Variants in REEP1 observed in about 807,000 individuals in gnomAD.
The protein encoded by REEP1 is receptor accessory protein 1.
In REEP1, 22 loss-of-function variants were observed where a neutral mutation model predicts 40.3. The observed-to-expected ratio is 0.55, with a 90% CI of 0.39 to 0.78. REEP1 has a LOEUF of 0.78. Ranked by LOEUF, REEP1 falls within the 30% of genes least tolerant of loss-of-function variation. REEP1 has a pLI of 0.00. For missense variants in REEP1, 280 were observed against 361.1 expected, an observed-to-expected ratio of 0.78 and a Z score of 1.82; for synonymous variants, 116 against 139.2, an observed-to-expected ratio of 0.83 and a Z score of 1.17.
intron 1 of REEP1, among the ~76,000 whole-genome samples, chr2:86,287,474 T>C (rs560008734): frequency 1.4e-4 from 22 of 152,356 alleles, no homozygotes; most frequent in Middle Eastern, 3.4e-3. Flanking sequence ...CAGTGTTTCA[T>C]CTGAGCATTA....
At chr2:86,242,897 G>A (rs961640968) in intron 5 of REEP1, among the ~76,000 whole-genome samples, 24 of 152,128 alleles carry the variant, frequency 1.6e-4, no homozygotes, top group Admixed American at 5.9e-4. Flanking sequence ...AGGAAGGTGG[G>A]GCATCAAAGG....
rs11350708 is a variant in REEP1, at chr2:86,215,023, CTTTTTTTTTTT to C, written c.*2005_*2015del. 1.7e-5 allele frequency: 1 copy of C among 59,558 alleles called. No homozygotes were observed. Among genetic ancestry groups the C allele is most frequent in the Admixed American group, 2.9e-4 (1 of 3,470 alleles). 3.7% of individuals were successfully genotyped at this position (59,558 alleles called of 1,614,324 possible). A position where few individuals can be genotyped will look rare whatever the true frequency, so the allele number is the denominator to read the frequency against. On this transcript the variant is annotated 3_prime_UTR_variant, in exon 9 of 9. Coordinates refer to ENST00000538924, the MANE Select transcript of REEP1 (RefSeq NM_001371279.1). Reference sequence around the variant, plus strand: ...AAAAATTGCTAAGAAGCTGTGTAAGCTTTTTTTTTTTTTTTTTTTTTTTGCATTCGTTTCTG... The same window carrying C: ...AAAAATTGCTAAGAAGCTGTGTAAGCTTTTTTTTTTTTGCATTCGTTTCTG...
intron 2 of REEP1, among the ~76,000 whole-genome samples, chr2:86,273,438 C>G (rs1302740499): frequency 1.3e-5 from 2 of 152,020 alleles, no homozygotes; most frequent in African/African-American, 4.8e-5. Flanking sequence ...TGCATGCCAC[C>G]AAGGCTGGCC....
chr2:86,305,357 C>A (rs1266545401), intron 1 of REEP1, among the ~76,000 whole-genome samples: 1 of 152,214 alleles, frequency 6.6e-6, no homozygotes, highest in African/African-American at 2.4e-5. Context: ...GTACCCGTTT[C>A]CTCCCTCAGG....
chr2:86,227,332 C>G, intron 7 of REEP1, 31 bp downstream of exon 7: 1 of 1,232,312 alleles, frequency 8.1e-7, no homozygotes. Context: ...GAGAGTCCAG[C>G]ACGCTGCGGA....
chr2:86,299,665 A>T (rs1679169946), intron 1 of REEP1, among the ~76,000 whole-genome samples: 2 of 152,194 alleles, frequency 1.3e-5, no homozygotes, highest in Admixed American at 1.3e-4. Flanking sequence ...TTCATCTTAT[A>T]CAAGCCACAA....
chr2:86,333,287 C>T (rs569509168), intron 1 of REEP1, among the ~76,000 whole-genome samples: 4 of 152,194 alleles, frequency 2.6e-5, no homozygotes, highest in Non-Finnish European at 5.9e-5. Flanking sequence ...CCACATTCCT[C>T]CCAGCTCCAT....
At chr2:86,241,305 G>C (rs1373396973) in intron 5 of REEP1, among the ~76,000 whole-genome samples, 1 of 152,270 alleles carries the variant, frequency 6.6e-6, no homozygotes, top group Non-Finnish European at 1.5e-5. Flanking sequence ...CTGGTGCAAA[G>C]TGAGCTCTAA....
At position 86,292,469 on chromosome 2, in the gene REEP1, C is replaced by T. The variant is rs1224393954; in HGVS notation, c.33-10227G>A. On this transcript the variant is annotated intron_variant, in intron 1 of 8. Coordinates refer to ENST00000538924, the MANE Select transcript of REEP1 (RefSeq NM_001371279.1). Reference sequence around the variant, plus strand: ...TACAAATAACTGGTTATTGTCATCACAATAATTGTGATGAGTCCTGCTGAG... The same window carrying T: ...TACAAATAACTGGTTATTGTCATCATAATAATTGTGATGAGTCCTGCTGAG... Among the ~76,000 whole-genome samples, 4 of 152,146 alleles carry T rather than the reference C, an allele frequency of 2.6e-5. No individual in the cohort carries two copies. The South Asian group carries it at 8.3e-4, about 32-fold the overall frequency.
chr2:86,315,804 G>T (rs1245628881), intron 1 of REEP1, among the ~76,000 whole-genome samples: 1 of 152,174 alleles, frequency 6.6e-6, no homozygotes, highest in East Asian at 1.9e-4. Context: ...CCAGATCCAG[G>T]GTGGGTCCTG....
At chr2:86,306,167 A>G (rs1365911507) in intron 1 of REEP1, among the ~76,000 whole-genome samples, 1 of 152,036 alleles carries the variant, frequency 6.6e-6, no homozygotes, top group African/African-American at 2.4e-5. Context: ...CCGGGGCTTG[A>G]CTTTCCAACA....
chr2:86,284,372 G>T (rs796681656), intron 1 of REEP1, among the ~76,000 whole-genome samples: 1 of 152,278 alleles, frequency 6.6e-6, no homozygotes, highest in South Asian at 2.1e-4. Flanking sequence ...GCCAGAGATG[G>T]TGTCCCTCAT....
chr2:86,295,042 A>AG (rs1296487129), intron 1 of REEP1, among the ~76,000 whole-genome samples: 2 of 152,104 alleles, frequency 1.3e-5, no homozygotes, highest in South Asian at 2.1e-4. Flanking sequence ...CTATTTTAAA[A>AG]AAAAAGAAAA....
At chr2:86,235,856 G>A (rs1675294242) in intron 5 of REEP1, among the ~76,000 whole-genome samples, 1 of 152,140 alleles carries the variant, frequency 6.6e-6, no homozygotes, top group Non-Finnish European at 1.5e-5. Context: ...AAATTATAGT[G>A]GCATAGATAC....
At chr2:86,245,458 T>C (rs1387715756) in intron 5 of REEP1, among the ~76,000 whole-genome samples, 1 of 152,192 alleles carries the variant, frequency 6.6e-6, no homozygotes, top group Admixed American at 6.5e-5. Context: ...CTCCGATAAG[T>C]TAAAGATATG....
intron 2 of REEP1, among the ~76,000 whole-genome samples, chr2:86,273,898 T>C (rs1283533411): frequency 2.6e-5 from 4 of 152,204 alleles, no homozygotes; most frequent in Admixed American, 2.0e-4. Context: ...TGGAGACCAG[T>C]TCTCCTTATA....
intron 1 of REEP1, among the ~76,000 whole-genome samples, chr2:86,318,760 T>C (rs1212774379): frequency 6.6e-6 from 1 of 151,986 alleles, no homozygotes; most frequent in Non-Finnish European, 1.5e-5. Context: ...GCGCCATACT[T>C]TAGTATTTGG....
At chr2:86,332,913 CTG>C (rs1680843456) in intron 1 of REEP1, among the ~76,000 whole-genome samples, 1 of 152,230 alleles carries the variant, frequency 6.6e-6, no homozygotes, top group Admixed American at 6.5e-5. Context: ...TGCAAGGTGA[CTG>C]TGGCCAAAAA....
intron 1 of REEP1, among the ~76,000 whole-genome samples, chr2:86,314,989 G>A (rs540103162): frequency 3.2e-4 from 48 of 152,056 alleles, no homozygotes; most frequent in African/African-American, 9.2e-4. Flanking sequence ...CACTGTGCCC[G>A]ACCTGGAGGC....
Sources: gnomAD v4.1 joint callset for allele counts (sites outside exome capture counted in the v4.1 genomes callset) on GRCh38, gnomAD v4.1.1 for gene constraint, MANE v1.5 for transcripts, NCBI Gene and HGNC (gene_info 2026-07-23, HGNC 2026-07-21) for gene names.